Variants in NFAT5 observed in about 807,000 individuals in gnomAD.
The protein encoded by NFAT5 is nuclear factor of activated T cells 5.
Under a neutral mutation model 166.5 loss-of-function variants are expected in NFAT5, and 31 were observed. The ratio of observed to expected loss-of-function variants is 0.19; its 90% CI spans 0.14 to 0.25. The LOEUF (loss-of-function observed/expected upper bound fraction) is 0.25, where lower values mean the gene tolerates loss of function less well. Among genes scored for constraint, NFAT5 ranks in the 10% least tolerant of loss-of-function variants. The probability of loss-of-function intolerance (pLI) is 1.00; values close to 1 mark genes in which losing one functional copy is unlikely to be tolerated. For missense variants in NFAT5, 1,449 were observed against 1,821.8 expected (o/e 0.80, Z 3.72); for synonymous variants, 612 against 639.7 (o/e 0.96, Z 0.65).
chr16:69,638,735 CAAAAAAAAAA>C (rs34075469), intron 3 of NFAT5, among the ~76,000 whole-genome samples: 1 of 88,200 alleles, frequency 1.1e-5, no homozygotes, highest in East Asian at 2.8e-4. Context: ...GACTCGGTCT[CAAAAAAAAAA>C]AAAAAAAAAG....
chr16:69,639,879 G>T, intron 3 of NFAT5, among the ~76,000 whole-genome samples: 1 of 152,112 alleles, frequency 6.6e-6, no homozygotes, highest in South Asian at 2.1e-4. Context: ...GTGAATAAGA[G>T]TTCACAAAAA....
At chr16:69,661,653 CATTT>C (rs1252637644) in intron 7 of NFAT5, among the ~76,000 whole-genome samples, 4 of 149,790 alleles carry the variant, frequency 2.7e-5, no homozygotes, top group African/African-American at 4.9e-5. Flanking sequence ...TTCAGTCACT[CATTT>C]AGTCAACATA....
chr16:69,673,538 C>CAAAAAATTTAAAAT (rs2036709253), intron 9 of NFAT5, among the ~76,000 whole-genome samples: 11 of 151,962 alleles, frequency 7.2e-5, no homozygotes, highest in Non-Finnish European at 1.5e-4. Context: ...GCCTGGGCAA[C>CAAAAAATTTAAAAT]ATAGTGAGAT....
intron 9 of NFAT5, among the ~76,000 whole-genome samples, chr16:69,676,319 CTCTTA>C (rs960141482): frequency 6.6e-5 from 10 of 152,172 alleles, no homozygotes; most frequent in Non-Finnish European, 2.9e-5. Context: ...CTCTGCCTTT[CTCTTA>C]TAAGGATGCT....
intron 2 of NFAT5, among the ~76,000 whole-genome samples, chr16:69,572,592 A>G (rs2016507917): frequency 6.6e-6 from 1 of 152,166 alleles, no homozygotes. Context: ...CATTTTGGCA[A>G]ATGAAAAACT....
intron 7 of NFAT5, among the ~76,000 whole-genome samples, chr16:69,665,195 A>G (rs923904866): frequency 2.0e-5 from 3 of 152,008 alleles, no homozygotes; most frequent in African/African-American, 7.3e-5. Context: ...ATCTATGACA[A>G]ACCCACAGCC....
intron 2 of NFAT5, among the ~76,000 whole-genome samples, chr16:69,601,795 T>C (rs917678948): frequency 4.6e-5 from 7 of 152,228 alleles, no homozygotes; most frequent in African/African-American, 1.7e-4. Flanking sequence ...GATTTCCCCC[T>C]GTACTGGTAT....
chr16:69,613,133 C>CT (rs2033780965), intron 2 of NFAT5, among the ~76,000 whole-genome samples: 1 of 152,110 alleles, frequency 6.6e-6, no homozygotes, highest in Admixed American at 6.5e-5. Context: ...TGGAACTCTC[C>CT]TTTTTTTCCC....
intron 11 of NFAT5, among the ~76,000 whole-genome samples, chr16:69,688,064 C>T (rs1051327975): frequency 1.3e-5 from 2 of 150,734 alleles, no homozygotes; most frequent in African/African-American, 4.9e-5. Context: ...GGCGCGGTGG[C>T]GGGCGCCTGT....
chr16:69,676,718 A>G (rs541626948), intron 9 of NFAT5, among the ~76,000 whole-genome samples: 2 of 152,256 alleles, frequency 1.3e-5, no homozygotes, highest in African/African-American at 2.4e-5. Context: ...AAACAAGATT[A>G]TGTTATAAGG....
Position 69,670,271 on chromosome 16 carries a change from A to T in NFAT5, c.1540A>T (p.Met514Leu). ...TTGGAAGTCAGAAGCTGAAATTGAT[A>T]TGGAACTATTTCATCAGGTAAAATT... ...NSWKSEAEID[M>L]ELFHQNHLIV... Residue 514 changes from methionine to leucine, a missense_variant, in exon 9 of 15, where the codon ATG becomes TTG. This residue lies in a region of NFAT5 where 245 missense variants were observed against 366.6 expected (regional missense o/e 0.67). Transcript: ENST00000349945. 1 of 1,583,932 alleles carries T rather than the reference A, an allele frequency of 6.3e-7. No individual in the cohort carries two copies. The highest frequency in any genetic ancestry group is 8.6e-7 in the Non-Finnish European group (1 of 1,164,414).
Position 69,693,328 on chromosome 16 carries a change from T to G in NFAT5, c.3503T>G (p.Leu1168Arg). ...CTTTCCCAGAGTCCCATGAATAATC[T>G]TCAGACTAACACAGTAGCCCAAGAA... ...IFLSQSPMNN[L>R]QTNTVAQEAF... The change falls in exon 13 of 15, where the codon CTT (leucine) becomes CGT (arginine). Residue 1168 changes from leucine to arginine, a missense_variant. Coordinates refer to ENST00000349945, the MANE Select transcript of NFAT5 (RefSeq NM_138713.4). 1 of 1,614,186 alleles carries G rather than the reference T, an allele frequency of 6.2e-7. No homozygotes were observed. The highest frequency in any genetic ancestry group is 8.5e-7 in the Non-Finnish European group (1 of 1,180,018).
At chr16:69,664,953 G>A (rs1370328195) in intron 7 of NFAT5, among the ~76,000 whole-genome samples, 2 of 152,142 alleles carry the variant, frequency 1.3e-5, no homozygotes, top group South Asian at 2.1e-4. Flanking sequence ...CTTGAACCTG[G>A]GAGGTGGAGG....
chr16:69,646,740 T>TGA (rs2035453870), intron 3 of NFAT5, among the ~76,000 whole-genome samples: 1 of 152,222 alleles, frequency 6.6e-6, no homozygotes, highest in African/African-American at 2.4e-5. Flanking sequence ...AATGTCCAGC[T>TGA]GAGGCAATAA....
intron 2 of NFAT5, among the ~76,000 whole-genome samples, chr16:69,575,621 AAATAAT>A (rs921623188): frequency 6.6e-6 from 1 of 151,824 alleles, no homozygotes; most frequent in African/African-American, 2.4e-5. Context: ...CTGTCTTAAA[AAATAAT>A]AATAATAAAA....
At chr16:69,629,435 C>G (rs997090403) in intron 3 of NFAT5, among the ~76,000 whole-genome samples, 1 of 151,976 alleles carries the variant, frequency 6.6e-6, no homozygotes, top group African/African-American at 2.4e-5. Flanking sequence ...GTCTATCAAG[C>G]CTTTATCTGC....
rs1295307825 is a variant in NFAT5 at position 69,627,343 on chromosome 16, TA to T, written c.253+816del. Among the ~76,000 whole-genome samples, 5 of 818 alleles carry T rather than the reference TA, an allele frequency of 6.1e-3. No individual in the cohort carries two copies. The East Asian group carries it at 0.094, about 15-fold the overall frequency. 0.5% of individuals were successfully genotyped at this position (818 alleles called of 152,430 possible). A position where few individuals can be genotyped will look rare whatever the true frequency, so the allele number is the denominator to read the frequency against. Reference sequence around the variant, plus strand: ...GGAAACATATATATATATATATATATATATATATATATATATATATATATAT... The same window carrying T: ...GGAAACATATATATATATATATATATTATATATATATATATATATATATAT... On this transcript the variant is annotated intron_variant, in intron 3 of 14. Transcript: ENST00000349945.
At chr16:69,616,890 C>A (rs1423413342) in intron 2 of NFAT5, among the ~76,000 whole-genome samples, 1 of 151,694 alleles carries the variant, frequency 6.6e-6, no homozygotes, top group Non-Finnish European at 1.5e-5. Flanking sequence ...CTTCTGATAC[C>A]CTCCTTTGAG....
chr16:69,641,685 T>C (rs1171183167), intron 3 of NFAT5, among the ~76,000 whole-genome samples: 2 of 151,798 alleles, frequency 1.3e-5, no homozygotes, highest in East Asian at 1.9e-4. Context: ...TAATATATTA[T>C]GGTAGTTAAA....
Sources: allele counts gnomAD v4.1 joint callset (sites outside exome capture counted in the v4.1 genomes callset), GRCh38; gene constraint gnomAD v4.1.1; regional missense constraint gnomAD v4.1.1; transcripts MANE v1.5; gene names NCBI Gene and HGNC (gene_info 2026-07-23, HGNC 2026-07-21).